The following SPTBN1 variants were observed in gnomAD, a reference collection of about 807,000 sequenced individuals.
The protein encoded by SPTBN1 is spectrin beta, non-erythrocytic 1.
Under a neutral mutation model 266.4 loss-of-function variants are expected in SPTBN1, and 32 were observed. The ratio of observed to expected loss-of-function variants is 0.12; its 90% CI spans 0.09 to 0.16. The LOEUF (loss-of-function observed/expected upper bound fraction) is 0.16. SPTBN1 is among the 10% of genes least tolerant of loss of function. SPTBN1 has a pLI of 1.00. For synonymous variants in SPTBN1, 1,336 were observed against 1,162.2 expected (o/e 1.15, Z -3.04); for missense variants, 2,296 against 3,067.1 (o/e 0.75, Z 5.94).
At position 54,647,191 on chromosome 2, in the gene SPTBN1, G is replaced by A; in HGVS notation, c.4927G>A (p.Asp1643Asn). 6.2e-7 allele frequency: 1 copy of A among 1,614,144 alleles called. No individual in the cohort carries two copies. Among genetic ancestry groups the A allele is most frequent in the Non-Finnish European group, 8.5e-7 (1 of 1,180,042 alleles). ...KHQILEQAVEDYAETVHQLSK... is the reference protein window; with the variant it reads ...KHQILEQAVENYAETVHQLSK... ...CCAGATCTTAGAACAAGCTGTGGAG[G>A]ACTATGCAGAGACCGTGCATCAGCT... Residue 1643 changes from aspartate (D) to asparagine (N), a missense_variant, in exon 24 of 36, where the codon GAC becomes AAC. Coordinates refer to ENST00000356805, the MANE Select transcript of SPTBN1 (RefSeq NM_003128.3).
Position 54,624,800 on chromosome 2 carries a change from G to A in SPTBN1, c.1183-4G>A, listed in dbSNP as rs1427664826. On this transcript the variant is annotated splice_region_variant and splice_polypyrimidine_tract_variant and intron_variant, in intron 10 of 35. Transcript: ENST00000356805. ...TGTGTGTGTGTGTATTTTCATTTTT[G>A]TAGGCCTGGGAAAGACTGGAAAAAG... 1.9e-6 allele frequency: 3 copies of A among 1,613,986 alleles called. No individual in the cohort carries two copies. Among genetic ancestry groups the A allele is most frequent in the Non-Finnish European group, 2.5e-6 (3 of 1,179,970 alleles).
At position 54,624,906 on chromosome 2, in the gene SPTBN1, C is replaced by T. The variant is rs969289210; in HGVS notation, c.1285C>T (p.Arg429Cys). The stretch of plus-strand genomic sequence containing the variant: ...GGAACAGCTCGCCCGCAGATTTGAT[C>T]GCAAGGCAGCTATGAGGGAGACTTG... Reference protein sequence around the residue: ...KLEQLARRFDRKAAMRETWLS... With the variant: ...KLEQLARRFDCKAAMRETWLS... The change falls in exon 11 of 36, where the codon CGC becomes TGC. Residue 429 changes from arginine (R) to cysteine (C), a missense_variant. By Grantham distance (180) the Arg-to-Cys change is radical. Around this residue, in one of 12 missense-constraint regions of SPTBN1, gnomAD observed 148 missense variants for 203.8 expected, o/e 0.73. Coordinates refer to ENST00000356805, the MANE Select transcript of SPTBN1 (RefSeq NM_003128.3). The T allele has an allele frequency of 1.9e-6, 3 of 1,613,898 alleles. No individual in the cohort carries two copies. The highest frequency in any genetic ancestry group is 2.5e-6 in the Non-Finnish European group (3 of 1,179,930).
intron 1 of SPTBN1, among the ~76,000 whole-genome samples, chr2:54,466,754 A>C (rs1296430062): frequency 2.0e-5 from 3 of 152,224 alleles, no homozygotes; most frequent in Non-Finnish European, 2.9e-5. Flanking sequence ...TATCAAAAAT[A>C]TCCTAACACT....
intron 1 of SPTBN1, among the ~76,000 whole-genome samples, chr2:54,471,694 C>T (rs1558754741): frequency 6.6e-6 from 1 of 151,888 alleles, no homozygotes; most frequent in East Asian, 1.9e-4. Context: ...CTTGGCCTGC[C>T]TTAAAATAGC....
At chr2:54,570,267 G>A (rs897518746) in intron 2 of SPTBN1, among the ~76,000 whole-genome samples, 11 of 152,140 alleles carry the variant, frequency 7.2e-5, no homozygotes, top group Non-Finnish European at 1.5e-4. Context: ...ATTTTCAAGA[G>A]GCACAAGACC....
At chr2:54,660,075 T>A in intron 32 of SPTBN1, 76 bp downstream of exon 32, 1 of 1,614,240 alleles carries the variant, frequency 6.2e-7, no homozygotes, top group Non-Finnish European at 8.5e-7. Context: ...CCAGCCATGG[T>A]CTGGACTGTG....
At chr2:54,656,335 G>T (rs1558476410) in intron 29 of SPTBN1, among the ~76,000 whole-genome samples, 1 of 152,148 alleles carries the variant, frequency 6.6e-6, no homozygotes, top group Non-Finnish European at 1.5e-5. Flanking sequence ...TTGGAAAGTT[G>T]ATCTCATTAA....
chr2:54,616,513 T>G (rs909287408), intron 5 of SPTBN1, among the ~76,000 whole-genome samples: 1 of 152,244 alleles, frequency 6.6e-6, no homozygotes, highest in African/African-American at 2.4e-5. Context: ...ATAATCAGTT[T>G]CCTTCTCTTT....
At chr2:54,587,079 G>A (rs1675343367) in intron 2 of SPTBN1, among the ~76,000 whole-genome samples, 1 of 152,150 alleles carries the variant, frequency 6.6e-6, no homozygotes, top group Non-Finnish European at 1.5e-5. Flanking sequence ...TAGCTTACAC[G>A]CCCCGTAGAA....
At position 54,653,129 on chromosome 2, in the gene SPTBN1, T is replaced by C. The variant is rs1026698179; in HGVS notation, c.5578-480T>C. On this transcript the variant is annotated intron_variant, in intron 26 of 35. Coordinates refer to ENST00000356805, the MANE Select transcript of SPTBN1 (RefSeq NM_003128.3). The surrounding 1 kb of genome is among the most constrained non-coding windows in gnomAD (Gnocchi z 5.1). ...CGTTTTTATACTTTTTGAGTGTAAA[T>C]GTCCCACGGTGAGAACTCTTACAGG... 1.3e-5 allele frequency: 2 copies of C among 152,468 alleles called. No individual in the cohort carries two copies. The highest frequency in any genetic ancestry group is 4.8e-5 in the African/African-American group (2 of 41,470). 9.4% of individuals were successfully genotyped at this position (152,468 alleles called of 1,614,324 possible).
rs1056857089 is a variant in SPTBN1 at position 54,646,883 on chromosome 2, G to A, written c.4867-248G>A. The stretch of plus-strand genomic sequence containing the variant: ...AACCAGGCACACTTGGTCTGCCCAA[G>A]CTTTTCTCTGAGAGGGGCCCTGCTC... On this transcript the variant is annotated intron_variant, in intron 23 of 35. Coordinates refer to ENST00000356805, the MANE Select transcript of SPTBN1 (RefSeq NM_003128.3). The surrounding 1 kb of genome is among the most constrained non-coding windows in gnomAD (Gnocchi z 4.4). 6.6e-6 allele frequency among the ~76,000 whole-genome samples: 1 copy of A among 152,210 alleles called. No homozygotes were observed. The highest frequency in any genetic ancestry group is 6.5e-5 in the Admixed American group (1 of 15,286).
chr2:54,558,541 G>A lies in SPTBN1; in HGVS notation c.148+31975G>A. 7.8e-7 allele frequency: 1 copy of A among 1,284,130 alleles called. No homozygotes were observed. Among genetic ancestry groups the A allele is most frequent in the Non-Finnish European group, 9.9e-7 (1 of 1,013,168 alleles). 79.5% of individuals were successfully genotyped at this position (1,284,130 alleles called of 1,614,324 possible). The stretch of plus-strand genomic sequence containing the variant: ...AATTTATTTCGAGCTTCCAGGCAAG[G>A]GCCACGGAAGAAGGGAAAGCAAGAA... On this transcript the variant is annotated intron_variant, in intron 2 of 35. Transcript: ENST00000356805. This position sits in a 1 kb window ranked among gnomAD's most constrained non-coding sequence, Gnocchi z 4.6.
intron 1 of SPTBN1, among the ~76,000 whole-genome samples, chr2:54,485,495 C>A (rs1668314814): frequency 6.6e-6 from 1 of 152,222 alleles, no homozygotes; most frequent in Non-Finnish European, 1.5e-5. Context: ...ACTCAGTGCT[C>A]AATGGTGCCC....
At chr2:54,636,458 C>T (rs749555480) in intron 17 of SPTBN1, among the ~76,000 whole-genome samples, 27 of 152,178 alleles carry the variant, frequency 1.8e-4, no homozygotes, top group Non-Finnish European at 2.8e-4. Context: ...GGGCTTTTCC[C>T]TTTGATTCTC....
intron 1 of SPTBN1, among the ~76,000 whole-genome samples, chr2:54,486,175 A>C (rs1668373297): frequency 6.6e-6 from 1 of 151,448 alleles, no homozygotes; most frequent in African/African-American, 2.4e-5. Context: ...CCCTGCTGGG[A>C]AGTGAGGAGC....
At chr2:54,464,024 T>A (rs1693504800) in intron 1 of SPTBN1, among the ~76,000 whole-genome samples, 1 of 152,182 alleles carries the variant, frequency 6.6e-6, no homozygotes, top group South Asian at 2.1e-4. Flanking sequence ...TTTTTCCACT[T>A]AATGGATAGA....
At chr2:54,567,788 C>CTA (rs911359509) in intron 2 of SPTBN1, among the ~76,000 whole-genome samples, 40 of 152,114 alleles carry the variant, frequency 2.6e-4, no homozygotes, top group African/African-American at 8.7e-4. Flanking sequence ...TATTCTCTCT[C>CTA]TATATATATA....
At chr2:54,639,689 A>G (rs538191201) in intron 18 of SPTBN1, among the ~76,000 whole-genome samples, 40 of 152,366 alleles carry the variant, frequency 2.6e-4, no homozygotes, top group African/African-American at 9.6e-4. Flanking sequence ...GGTCAGTCTT[A>G]ATAGGTCTTT....
chr2:54,477,894 G>C (rs1408011675), intron 1 of SPTBN1, among the ~76,000 whole-genome samples: 2 of 150,800 alleles, frequency 1.3e-5, no homozygotes, highest in Non-Finnish European at 2.9e-5. Flanking sequence ...CTGGGTGACA[G>C]AGTAAGAGTC....
Sources: gnomAD v4.1 joint callset for allele counts (sites outside exome capture counted in the v4.1 genomes callset) on GRCh38, gnomAD v4.1.1 for gene constraint, gnomAD v4.1.1 regional missense constraint, Gnocchi (gnomAD v3.1) non-coding constraint, MANE v1.5 for transcripts, NCBI Gene and HGNC (gene_info 2026-07-23, HGNC 2026-07-21) for gene names.